Variants in NTRK3 observed in about 807,000 individuals in gnomAD.
NTRK3 encodes the protein neurotrophic receptor tyrosine kinase 3, also known as NT-3 growth factor receptor.
In NTRK3, 24 loss-of-function variants were observed where a neutral mutation model predicts 91.7. The observed-to-expected ratio is 0.26, with a 90% CI of 0.19 to 0.37. The LOEUF is 0.37. Among genes scored for constraint, NTRK3 ranks in the 10% least tolerant of loss-of-function variants. NTRK3 has a pLI of 1.00. For synonymous variants in NTRK3, 483 were observed against 404.0 expected, an observed-to-expected ratio of 1.20 and a Z score of -2.34; for missense variants, 880 against 1,068.9, an observed-to-expected ratio of 0.82 and a Z score of 2.46.
chr15:88,073,688 T>G (rs949014624), intron 13 of NTRK3, among the ~76,000 whole-genome samples: 2 of 152,154 alleles, frequency 1.3e-5, no homozygotes, highest in Non-Finnish European at 2.9e-5. Context: ...GTTGAACTTG[T>G]TATCTTTGCC....
intron 14 of NTRK3, among the ~76,000 whole-genome samples, chr15:87,995,182 G>T (rs1384182326): frequency 6.6e-6 from 1 of 152,156 alleles, no homozygotes; most frequent in Non-Finnish European, 1.5e-5. Flanking sequence ...AGCCCAGAGA[G>T]CACCTGCTCA....
intron 13 of NTRK3, among the ~76,000 whole-genome samples, chr15:88,040,009 G>C (rs1032295440): frequency 6.6e-6 from 1 of 152,250 alleles, no homozygotes; most frequent in Non-Finnish European, 1.5e-5. Context: ...CCTAATGCTT[G>C]CTTGGACCAG....
intron 14 of NTRK3, among the ~76,000 whole-genome samples, chr15:87,947,670 G>A (rs1001441320): frequency 6.6e-6 from 1 of 152,086 alleles, no homozygotes; most frequent in African/African-American, 2.4e-5. Flanking sequence ...GGAGGAGGGA[G>A]GAGGGAGATT....
chr15:88,104,197 C>A (rs1203805205), intron 13 of NTRK3, among the ~76,000 whole-genome samples: 1 of 152,218 alleles, frequency 6.6e-6, no homozygotes, highest in South Asian at 2.1e-4. Context: ...AGGGACACAT[C>A]CACCTTTGAC....
intron 17 of NTRK3, among the ~76,000 whole-genome samples, chr15:87,901,785 G>A (rs1280362546): frequency 1.3e-5 from 2 of 152,040 alleles, no homozygotes; most frequent in East Asian, 3.9e-4. Flanking sequence ...GGGGGAGAAA[G>A]GGAGAGAGGA....
exon 19 of NTRK3, chr15:87,869,668 G>A (rs1215942884): frequency 5.0e-6 from 1 of 201,032 alleles, no homozygotes; most frequent in Non-Finnish European, 1.0e-5. Context: ...GAAAAAAGAA[G>A]AAATATGAAA....
At chr15:87,881,697 G>T (rs533305676) in intron 17 of NTRK3, among the ~76,000 whole-genome samples, 2 of 152,084 alleles carry the variant, frequency 1.3e-5, no homozygotes, top group Non-Finnish European at 2.9e-5. Context: ...GGGATTACAG[G>T]CTTGAGCCAC....
chr15:88,039,672 T>C (rs552335429), intron 13 of NTRK3, among the ~76,000 whole-genome samples: 2 of 152,350 alleles, frequency 1.3e-5, no homozygotes, highest in African/African-American at 4.8e-5. Context: ...CGTAAAGAAA[T>C]AGCACTTGAA....
intron 5 of NTRK3, among the ~76,000 whole-genome samples, chr15:88,175,860 T>C (rs2045943914): frequency 6.6e-6 from 1 of 152,198 alleles, no homozygotes; most frequent in South Asian, 2.1e-4. Context: ...TGTCAGGCCA[T>C]GTGGTTCAAG....
intron 14 of NTRK3, among the ~76,000 whole-genome samples, chr15:87,980,823 A>G (rs2074194746): frequency 6.6e-6 from 1 of 152,128 alleles, no homozygotes; most frequent in South Asian, 2.1e-4. Context: ...TGCCTATGAC[A>G]TCATGTTTGG....
At chr15:88,245,286 G>T (rs761652201) in intron 3 of NTRK3, among the ~76,000 whole-genome samples, 1 of 152,162 alleles carries the variant, frequency 6.6e-6, no homozygotes, top group African/African-American at 2.4e-5. Flanking sequence ...GCCATCACAT[G>T]CCAGGCACCT....
intron 13 of NTRK3, among the ~76,000 whole-genome samples, chr15:88,102,157 C>T (rs2050241638): frequency 1.3e-5 from 2 of 152,126 alleles, no homozygotes; most frequent in African/African-American, 4.8e-5. Context: ...TCCCCTGGTC[C>T]TATGCAACAG....
intron 13 of NTRK3, among the ~76,000 whole-genome samples, chr15:88,043,248 A>G (rs182586367): frequency 3.3e-5 from 5 of 152,340 alleles, no homozygotes; most frequent in African/African-American, 9.6e-5. Flanking sequence ...CATCCCAGGC[A>G]TCAACAGGAA....
intron 13 of NTRK3, among the ~76,000 whole-genome samples, chr15:88,083,690 A>G (rs532152388): frequency 2.0e-5 from 3 of 152,236 alleles, no homozygotes; most frequent in Non-Finnish European, 2.9e-5. Flanking sequence ...GCTGGCTCAA[A>G]GTCACTGCAA....
rs376615681 is a variant in NTRK3 at position 88,130,323 on chromosome 15, T to G, written c.1205-1589A>C. On this transcript the variant is annotated intron_variant, in intron 10 of 18. Coordinates refer to ENST00000394480, the Ensembl canonical transcript of NTRK3. ...TTCTGATTTTTAAATGTAGAAGGAA[T>G]GATAAAAATAGAAAAATCACCATTT... is the stretch of plus-strand genomic sequence containing the variant. Among the ~76,000 whole-genome samples the G allele has an allele frequency of 3.3e-5, 5 of 152,294 alleles. No homozygotes were observed. The East Asian group carries it at 7.7e-4, about 24-fold the overall frequency.
At chr15:88,180,515 G>A (rs2046359067) in intron 5 of NTRK3, among the ~76,000 whole-genome samples, 1 of 152,132 alleles carries the variant, frequency 6.6e-6, no homozygotes, top group South Asian at 2.1e-4. Flanking sequence ...TTTCTGGCAT[G>A]AGGAAGAATT....
At chr15:87,872,927 C>T (rs2064860495) in exon 19 of NTRK3, 1 of 232,964 alleles carries the variant, frequency 4.3e-6, no homozygotes, top group Non-Finnish European at 8.5e-6. Context: ...GCTGATTTGG[C>T]CAAGGCCACG....
rs2064519916 is a variant in NTRK3 at position 87,861,416 on chromosome 15, G to T, written c.*15519C>A. On this transcript the variant is annotated 3_prime_UTR_variant, in exon 19 of 19. Coordinates refer to ENST00000394480, the Ensembl canonical transcript of NTRK3. ...GTAATGTCCAGTAGGAAACAAATCA[G>T]TGTATATCATTTACACGACAATAAA... 1.9e-5 allele frequency: 4 copies of T among 208,052 alleles called. No individual in the cohort carries two copies. In the South Asian group the frequency reaches 7.6e-4, roughly 39 times the overall value. The allele number at this position is 208,052 out of a possible 1,614,324, so 12.9% of individuals were successfully genotyped here.
In NTRK3 at chr15:88,197,601, G is replaced by A. The variant is rs543776476; in HGVS notation, c.249-13302C>T. Among the ~76,000 whole-genome samples, 32 of 152,264 alleles carry A rather than the reference G, an allele frequency of 2.1e-4. No individual in the cohort carries two copies. The South Asian group carries it at 3.1e-3, about 15-fold the overall frequency. Reference sequence around the variant, plus strand: ...AGAAGCAACTTTTTCTCTGTTTCCCGTGTCCAAACCATTGCACTACTGAGA... The same window carrying A: ...AGAAGCAACTTTTTCTCTGTTTCCCATGTCCAAACCATTGCACTACTGAGA... On this transcript the variant is annotated intron_variant, in intron 3 of 18. Transcript: ENST00000394480.
Sources: gnomAD v4.1 joint callset for allele counts (sites outside exome capture counted in the v4.1 genomes callset) on GRCh38, gnomAD v4.1.1 for gene constraint, MANE v1.5 for transcripts, NCBI Gene and HGNC (gene_info 2026-07-23, HGNC 2026-07-21) for gene names.